Variants in ANO1 observed in about 807,000 individuals in gnomAD.
ANO1 encodes anoctamin 1, also known as anoctamin-1.
Under a neutral mutation model 124.0 loss-of-function variants are expected in ANO1, and 59 were observed. The ratio of observed to expected loss-of-function variants is 0.48; its 90% CI spans 0.39 to 0.59. ANO1 has a LOEUF of 0.59. Ranked by LOEUF, ANO1 falls within the 20% of genes least tolerant of loss-of-function variation. The probability of loss-of-function intolerance (pLI) is 0.00; values close to 1 mark genes in which losing one functional copy is unlikely to be tolerated. For synonymous variants in ANO1, 529 were observed against 532.0 expected (o/e 0.99, Z 0.08); for missense variants, 1,059 against 1,328.0 (o/e 0.80, Z 3.15).
intron 19 of ANO1, 108 bp downstream of exon 19, chr11:70,163,448 C>A: frequency 7.3e-7 from 1 of 1,364,046 alleles, no homozygotes; most frequent in Non-Finnish European, 1.0e-6. Context: ...CAGCAAAGAG[C>A]AGCAGGTTTC....
At chr11:69,995,161 G>A (rs12282444) in intron 1 of ANO1, among the ~76,000 whole-genome samples, 15,447 of 148,040 alleles carry the variant, frequency 0.1, 918 homozygotes, top group South Asian at 0.16. Flanking sequence ...GTGCAATGGC[G>A]TGATCTTGGC....
At chr11:70,119,259 G>C (rs1188030351) in intron 8 of ANO1, among the ~76,000 whole-genome samples, 2 of 140,792 alleles carry the variant, frequency 1.4e-5, no homozygotes, top group Admixed American at 1.4e-4. Flanking sequence ...ATGGATGATG[G>C]GGGGGTGGGT....
At chr11:70,077,156 A>C (rs1268270633), upstream of ANO1, among the ~76,000 whole-genome samples, 1 of 152,204 alleles carries the variant, frequency 6.6e-6, no homozygotes, top group African/African-American at 2.4e-5. Context: ...TAGGCCTTGA[A>C]TGTTCCCCAG....
intron 1 of ANO1, among the ~76,000 whole-genome samples, chr11:69,995,111 T>TTTC (rs1856241078): frequency 1.3e-5 from 2 of 151,134 alleles, no homozygotes; most frequent in African/African-American, 4.9e-5. Context: ...TTTTTTTTTT[T>TTTC]TTTTTTGAGA....
chr11:70,093,129 CCTCT>C (rs1351201798), intron 2 of ANO1, among the ~76,000 whole-genome samples: 2 of 150,374 alleles, frequency 1.3e-5, no homozygotes, highest in African/African-American at 2.5e-5. Context: ...TTTCTCTTTT[CCTCT>C]CTCTGTCTCT....
intron 1 of ANO1, among the ~76,000 whole-genome samples, chr11:70,016,083 A>T (rs916791098): frequency 4.0e-5 from 6 of 149,922 alleles, no homozygotes; most frequent in Non-Finnish European, 7.4e-5. Context: ...GCTGGAGTGC[A>T]GTGGTGCAAT....
chr11:70,026,588 G>A (rs2135017367), intron 1 of ANO1, among the ~76,000 whole-genome samples: 1 of 152,166 alleles, frequency 6.6e-6, no homozygotes, highest in East Asian at 1.9e-4. Context: ...GATGATGGTG[G>A]TGGTGGTGGT....
intron 1 of ANO1, among the ~76,000 whole-genome samples, chr11:70,052,335 A>G (rs1555006338): frequency 1.3e-5 from 2 of 152,046 alleles, no homozygotes; most frequent in Non-Finnish European, 2.9e-5. Context: ...ATCAGATAAT[A>G]TATGTCCTCT....
intron 21 of ANO1, among the ~76,000 whole-genome samples, chr11:70,168,205 C>T (rs2048327716): frequency 6.6e-6 from 1 of 152,236 alleles, no homozygotes; most frequent in Non-Finnish European, 1.5e-5. Flanking sequence ...TCTGCACATG[C>T]TGGCCTCCTT....
chr11:70,173,509 G>A (rs76128810), intron 22 of ANO1, among the ~76,000 whole-genome samples: 128 of 152,288 alleles, frequency 8.4e-4, no homozygotes, highest in African/African-American at 2.8e-3. Context: ...CCTGTTTTGC[G>A]TCTGCTGAGG....
intron 5 of ANO1, among the ~76,000 whole-genome samples, chr11:70,107,901 C>T (rs1398962018): frequency 6.6e-6 from 1 of 152,230 alleles, no homozygotes; most frequent in Non-Finnish European, 1.5e-5. Flanking sequence ...CGCCCCACCA[C>T]CACCACCCCT....
chr11:70,174,424 C>T (rs749042345), intron 22 of ANO1, among the ~76,000 whole-genome samples: 1 of 151,986 alleles, frequency 6.6e-6, no homozygotes, highest in Non-Finnish European at 1.5e-5. Context: ...CCATTTTTAG[C>T]TTTTAGGGAC....
At chr11:69,966,008 C>T in the ANO1 span, among the ~76,000 whole-genome samples, 11 of 152,302 alleles carry the variant, frequency 7.2e-5, no homozygotes, top group African/African-American at 1.2e-4. Flanking sequence ...GGCCCTGCCA[C>T]GCTGCTTCAT....
chr11:70,067,974 TCACAGCTTAA>T (rs144751526), intron 1 of ANO1, among the ~76,000 whole-genome samples: 2,017 of 152,334 alleles, frequency 0.013, 43 homozygotes, highest in African/African-American at 0.045. Context: ...TGCCCTGGGC[TCACAGCTTAA>T]CACGTAGAAG....
At chr11:70,002,580 G>A (rs1035675575) in intron 1 of ANO1, among the ~76,000 whole-genome samples, 2 of 152,216 alleles carry the variant, frequency 1.3e-5, no homozygotes, top group Middle Eastern at 3.4e-3. Flanking sequence ...ATACAGCCTA[G>A]CTGTGCGGTG....
In ANO1 at chr11:70,180,918, C is replaced by T. The variant is rs77467827; in HGVS notation, c.2403+862C>T. Among the ~76,000 whole-genome samples, 377 of 152,322 alleles carry T rather than the reference C, an allele frequency of 2.5e-3. 4 individuals are homozygous for T. In the East Asian group the frequency reaches 0.028, roughly 11 times the overall value. On this transcript the variant is annotated intron_variant, in intron 23 of 25. Transcript: ENST00000355303. ...CTAAGGATCAGGGCTCCAGGCCCCT[C>T]AGCCTCCTCCCCAGCATGGCAGCCC...
At chr11:70,013,670 C>T (rs192593144) in intron 1 of ANO1, among the ~76,000 whole-genome samples, 15 of 152,028 alleles carry the variant, frequency 9.9e-5, no homozygotes, top group East Asian at 1.9e-4. Context: ...GGTGTGGTGA[C>T]GCATGCCTCA....
chr11:69,983,460 A>G (rs1386286777), upstream of ANO1, among the ~76,000 whole-genome samples: 1 of 152,192 alleles, frequency 6.6e-6, no homozygotes, highest in Non-Finnish European at 1.5e-5. Context: ...GAGCCAGTGC[A>G]CTGGCCCCAC....
chr11:70,108,208 T>C (rs1218342813), intron 5 of ANO1, 145 bp from the exon 6 acceptor site: 1 of 691,478 alleles, frequency 1.4e-6, no homozygotes, highest in Non-Finnish European at 2.4e-6. Context: ...CCTGAATAAA[T>C]GCCATTGTCT....
Sources: allele counts gnomAD v4.1 joint callset (sites outside exome capture counted in the v4.1 genomes callset), GRCh38; gene constraint gnomAD v4.1.1; transcripts MANE v1.5; gene names NCBI Gene and HGNC (gene_info 2026-07-23, HGNC 2026-07-21).